PCDH15: variants seen among roughly 807,000 people sequenced by gnomAD.
The protein encoded by PCDH15 is protocadherin-15.
PCDH15 carries 129 observed loss-of-function variants against 178.5 expected under a neutral mutation model. The observed-to-expected ratio is 0.72, with a 90% CI of 0.63 to 0.84. PCDH15 has a LOEUF of 0.84. Ranked by LOEUF, PCDH15 falls within the 40% of genes least tolerant of loss-of-function variation. The pLI is 0.00. For synonymous variants in PCDH15, 800 were observed against 732.0 expected, an observed-to-expected ratio of 1.09 and a Z score of -1.50; for missense variants, 2,230 against 2,099.9, an observed-to-expected ratio of 1.06 and a Z score of -1.21.
At chr10:54,727,210 C>G (rs1374664430) in intron 1 of PCDH15, among the ~76,000 whole-genome samples, 3 of 146,042 alleles carry the variant, frequency 2.1e-5, no homozygotes, top group Non-Finnish European at 4.5e-5. Context: ...CAATTCTCAA[C>G]AAATTAAAAA....
At chr10:54,982,603 A>G (rs775866476) in intron 2 of PCDH15, among the ~76,000 whole-genome samples, 2 of 152,148 alleles carry the variant, frequency 1.3e-5, no homozygotes, top group Non-Finnish European at 2.9e-5. Flanking sequence ...TAGGGCTTTG[A>G]TGAGATGCTA....
At chr10:54,476,281 T>C (rs1487757493) in intron 3 of PCDH15, among the ~76,000 whole-genome samples, 1 of 151,902 alleles carries the variant, frequency 6.6e-6, no homozygotes, top group East Asian at 2.0e-4. Flanking sequence ...CTGCCTGATG[T>C]TGCTGCTGTA....
At chr10:55,007,847 G>A (rs939287695) in intron 2 of PCDH15, among the ~76,000 whole-genome samples, 1 of 151,998 alleles carries the variant, frequency 6.6e-6, no homozygotes, top group Non-Finnish European at 1.5e-5. Flanking sequence ...AAGGGGAGAG[G>A]ACTGTTTAAC....
intron 1 of PCDH15, among the ~76,000 whole-genome samples, chr10:55,319,064 CACACACACAA>C (rs749267799): frequency 5.0e-4 from 76 of 150,924 alleles, no homozygotes; most frequent in Admixed American, 9.9e-4. Flanking sequence ...CACACACACA[CACACACACAA>C]ACACACACGA....
intron 15 of PCDH15, among the ~76,000 whole-genome samples, chr10:54,100,934 G>C (rs914620839): frequency 6.6e-6 from 1 of 151,738 alleles, no homozygotes. Flanking sequence ...TTTATATACT[G>C]ATAAACAGAA....
intron 2 of PCDH15, among the ~76,000 whole-genome samples, chr10:54,544,886 G>C (rs1038615230): frequency 5.3e-5 from 8 of 152,102 alleles, no homozygotes; most frequent in Non-Finnish European, 8.8e-5. Flanking sequence ...TTGTTATTCT[G>C]TTGTTAGACT....
At chr10:53,878,055 T>G (rs2080370564) in intron 26 of PCDH15, among the ~76,000 whole-genome samples, 1 of 151,666 alleles carries the variant, frequency 6.6e-6, no homozygotes, top group Non-Finnish European at 1.5e-5. Flanking sequence ...AACCATATTA[T>G]TTTGTTTTTC....
At chr10:54,820,551 T>C (rs2133739657) in intron 3 of PCDH15, among the ~76,000 whole-genome samples, 1 of 152,212 alleles carries the variant, frequency 6.6e-6, no homozygotes, top group East Asian at 1.9e-4. Context: ...TTCTGCCTTA[T>C]TGACTTTATA....
intron 2 of PCDH15, among the ~76,000 whole-genome samples, chr10:55,490,803 G>A (rs1312637265): frequency 6.6e-6 from 1 of 151,656 alleles, no homozygotes; most frequent in East Asian, 2.0e-4. Flanking sequence ...GGTCAATAAA[G>A]CTTAAGGAAG....
At chr10:55,008,474 C>T (rs1020271502) in intron 2 of PCDH15, among the ~76,000 whole-genome samples, 3 of 152,212 alleles carry the variant, frequency 2.0e-5, no homozygotes, top group Non-Finnish European at 2.9e-5. Flanking sequence ...TAAATGTTTG[C>T]TCAATCCTCT....
chr10:55,045,916 A>T (rs1840992703), intron 2 of PCDH15, among the ~76,000 whole-genome samples: 1 of 152,094 alleles, frequency 6.6e-6, no homozygotes, highest in South Asian at 2.1e-4. Flanking sequence ...AAAGGTAGAA[A>T]TATACAGTAT....
intron 32 of PCDH15, among the ~76,000 whole-genome samples, chr10:53,824,547 G>GAAAC (rs1162732602): frequency 4.6e-5 from 7 of 152,094 alleles, no homozygotes; most frequent in African/African-American, 1.7e-4. Flanking sequence ...GAAAGAGAAA[G>GAAAC]AAACAATTCA....
chr10:54,607,252 G>T (rs114184849), intron 2 of PCDH15, among the ~76,000 whole-genome samples: 535 of 152,042 alleles, frequency 3.5e-3, no homozygotes, highest in African/African-American at 0.012. Context: ...CTAGTCAAAA[G>T]ATAATTATAA....
chr10:54,932,628 G>A (rs1180524571), intron 2 of PCDH15, among the ~76,000 whole-genome samples: 1 of 152,034 alleles, frequency 6.6e-6, no homozygotes, highest in Non-Finnish European at 1.5e-5. Context: ...TAGGCTCACT[G>A]CAAAATCAAG....
intron 1 of PCDH15, among the ~76,000 whole-genome samples, chr10:54,698,595 T>G (rs2095266233): frequency 6.6e-6 from 1 of 152,176 alleles, no homozygotes; most frequent in African/African-American, 2.4e-5. Flanking sequence ...TTTTCCACCC[T>G]CTACATCATT....
intron 3 of PCDH15, among the ~76,000 whole-genome samples, chr10:54,829,647 T>C (rs1452320400): frequency 2.6e-5 from 4 of 152,072 alleles, no homozygotes; most frequent in African/African-American, 9.7e-5. Flanking sequence ...TCACTCTGTG[T>C]TTCAAAATGT....
intron 3 of PCDH15, among the ~76,000 whole-genome samples, chr10:54,859,862 T>G (rs140689854): frequency 4.9e-4 from 75 of 152,044 alleles, no homozygotes; most frequent in Middle Eastern, 6.8e-3. Context: ...CTCCTTTTCA[T>G]GTAAAGATCT....
chr10:54,637,613 A>T (rs1286365019), intron 2 of PCDH15, among the ~76,000 whole-genome samples: 1 of 151,956 alleles, frequency 6.6e-6, no homozygotes, highest in Non-Finnish European at 1.5e-5. Flanking sequence ...GACTCTAATT[A>T]TTGTATTGAG....
intron 1 of PCDH15, among the ~76,000 whole-genome samples, chr10:55,314,114 A>G (rs1450167608): frequency 6.6e-6 from 1 of 150,692 alleles, no homozygotes; most frequent in Non-Finnish European, 1.5e-5. Context: ...TTGAAATTCC[A>G]TCTTCTTATC....
Sources: allele counts gnomAD v4.1 joint callset (sites outside exome capture counted in the v4.1 genomes callset), GRCh38; gene constraint gnomAD v4.1.1; transcripts MANE v1.5; gene names NCBI Gene and HGNC (gene_info 2026-07-23, HGNC 2026-07-21).